GRIK2: variants seen among roughly 807,000 people sequenced by gnomAD.
GRIK2 encodes glutamate ionotropic receptor kainate type subunit 2.
A neutral mutation model predicts 100.3 loss-of-function variants in GRIK2; 32 were observed. The ratio of observed to expected loss-of-function variants is 0.32; its 90% CI spans 0.24 to 0.43. The LOEUF is 0.43. Ranked by LOEUF, GRIK2 falls within the 20% of genes least tolerant of loss-of-function variation. The pLI is 1.00. For synonymous variants in GRIK2, 417 were observed against 389.4 expected (o/e 1.07, Z -0.83); for missense variants, 843 against 1,114.9 (o/e 0.76, Z 3.47).
At chr6:101,935,294 T>A (rs1262813197) in intron 14 of GRIK2, among the ~76,000 whole-genome samples, 1 of 151,932 alleles carries the variant, frequency 6.6e-6, no homozygotes, top group Non-Finnish European at 1.5e-5. Flanking sequence ...GCCACATAGC[T>A]TTTTCTCATG....
chr6:102,058,147 T>C (rs1470121298), intron 16 of GRIK2, among the ~76,000 whole-genome samples: 1 of 151,830 alleles, frequency 6.6e-6, no homozygotes, highest in Non-Finnish European at 1.5e-5. Flanking sequence ...AGTCTAGATA[T>C]CTTCACGCTG....
chr6:101,623,908 TATAAC>T (rs1780303394), intron 3 of GRIK2, among the ~76,000 whole-genome samples: 1 of 152,082 alleles, frequency 6.6e-6, no homozygotes, highest in Non-Finnish European at 1.5e-5. Flanking sequence ...AAAAACATAA[TATAAC>T]AGAGCCAATA....
At chr6:101,673,757 A>G (rs1770610636) in intron 4 of GRIK2, among the ~76,000 whole-genome samples, 1 of 152,170 alleles carries the variant, frequency 6.6e-6, no homozygotes, top group African/African-American at 2.4e-5. Flanking sequence ...CCAAAATATT[A>G]TTTGCCAGTC....
chr6:101,500,143 G>C (rs1047045558), intron 2 of GRIK2, among the ~76,000 whole-genome samples: 1 of 152,042 alleles, frequency 6.6e-6, no homozygotes, highest in Non-Finnish European at 1.5e-5. Context: ...CTGGATTAAA[G>C]GCCTTAAAGT....
intron 11 of GRIK2, among the ~76,000 whole-genome samples, chr6:101,875,789 C>T (rs145976216): frequency 6.6e-6 from 1 of 151,944 alleles, no homozygotes; most frequent in East Asian, 1.9e-4. Flanking sequence ...TACCCTTCTT[C>T]CAAACAATAC....
chr6:101,635,355 C>A (rs1780954207), intron 4 of GRIK2, among the ~76,000 whole-genome samples: 1 of 151,942 alleles, frequency 6.6e-6, no homozygotes, highest in Non-Finnish European at 1.5e-5. Context: ...AAAGTTAACT[C>A]AAGATGGATT....
chr6:102,065,108 CATTG>C (rs1771951279), intron 16 of GRIK2, among the ~76,000 whole-genome samples: 1 of 150,960 alleles, frequency 6.6e-6, no homozygotes, highest in Non-Finnish European at 1.5e-5. Context: ...TAATCGAGAC[CATTG>C]ATTGACTTAT....
chr6:101,443,203 G>A (rs904832275), intron 2 of GRIK2, among the ~76,000 whole-genome samples: 1 of 152,062 alleles, frequency 6.6e-6, no homozygotes, highest in Non-Finnish European at 1.5e-5. Context: ...AACAAGGGGA[G>A]CTAATAAACA....
Position 101,516,576 on chromosome 6 carries a change from C to T in GRIK2, c.116-105373C>T, listed in dbSNP as rs558337788. On this transcript the variant is annotated intron_variant, in intron 2 of 16. Transcript: ENST00000369134. ...CTGGATCCTCATCTCTCACCTTATA[C>T]AAAAATCAACTCAAAATATGGATTA... 6.8e-4 allele frequency among the ~76,000 whole-genome samples: 103 copies of T among 152,154 alleles called. No individual in the cohort carries two copies. In the South Asian group the frequency reaches 0.02, roughly 30 times the overall value.
intron 7 of GRIK2, among the ~76,000 whole-genome samples, chr6:101,707,594 GTATATATGTGTGTATATA>G (rs1773417265): frequency 9.4e-6 from 1 of 106,140 alleles, no homozygotes; most frequent in Non-Finnish European, 1.9e-5. Flanking sequence ...GTGTGTGTGT[GTATATATGTGTGTATATA>G]TATATATATA....
intron 2 of GRIK2, among the ~76,000 whole-genome samples, chr6:101,404,574 G>C (rs766283954): frequency 2.0e-5 from 3 of 152,160 alleles, no homozygotes; most frequent in African/African-American, 7.2e-5. Context: ...CATCAGATTA[G>C]AAACTAGTTT....
intron 11 of GRIK2, among the ~76,000 whole-genome samples, chr6:101,884,530 T>C (rs750677738): frequency 2.0e-5 from 3 of 152,162 alleles, no homozygotes; most frequent in Non-Finnish European, 4.4e-5. Flanking sequence ...GAAGATATGC[T>C]TTGTTATCTA....
At chr6:101,885,694 A>G (rs1240667771) in intron 11 of GRIK2, among the ~76,000 whole-genome samples, 1 of 152,154 alleles carries the variant, frequency 6.6e-6, no homozygotes, top group Admixed American at 6.5e-5. Context: ...TTTTAACACA[A>G]TATATCTACT....
At chr6:101,789,200 G>C (rs867839205) in intron 7 of GRIK2, among the ~76,000 whole-genome samples, 62 of 152,110 alleles carry the variant, frequency 4.1e-4, no homozygotes, top group Middle Eastern at 6.8e-3. Flanking sequence ...TGCAGAAGCT[G>C]TTTAGTTTAA....
At chr6:101,534,925 T>C (rs1036018150) in intron 2 of GRIK2, among the ~76,000 whole-genome samples, 1 of 151,742 alleles carries the variant, frequency 6.6e-6, no homozygotes, top group East Asian at 1.9e-4. Context: ...AGCAAAGCCA[T>C]TTGCCATTTG....
chr6:101,879,501 G>A lies in GRIK2; in HGVS notation c.1525-10139G>A, dbSNP rs531527987. ...TTTATTTGAATTCAGTGTCCTTACG[G>A]AAGACTCATCCATTACCCTGGACTC... On this transcript the variant is annotated intron_variant, in intron 11 of 16. Coordinates refer to ENST00000369134, the MANE Select transcript of GRIK2 (RefSeq NM_021956.5). 5.9e-5 allele frequency among the ~76,000 whole-genome samples: 9 copies of A among 151,976 alleles called. No individual in the cohort carries two copies. In the East Asian group the frequency reaches 1.8e-3, roughly 30 times the overall value.
rs1771823349 is a variant in GRIK2, at chr6:102,062,852, T to C, written c.2563-5495T>C. 2.0e-5 allele frequency among the ~76,000 whole-genome samples: 3 copies of C among 150,626 alleles called. No homozygotes were observed. The Admixed American group carries it at 2.0e-4, about 10-fold the overall frequency. On this transcript the variant is annotated intron_variant, in intron 16 of 16. Coordinates refer to ENST00000369134, the MANE Select transcript of GRIK2 (RefSeq NM_021956.5). ...TTATTTTTGTTATTTAACACACCAA[T>C]ATTATGTAAAATATTATATCTTATA...
rs1215692599 is a variant in GRIK2 at position 101,980,956 on chromosome 6, C to T, written c.2085+52324C>T. Among the ~76,000 whole-genome samples the T allele has an allele frequency of 2.2e-5, 3 of 135,352 alleles. No homozygotes were observed. The Admixed American group carries it at 2.2e-4, about 10-fold the overall frequency. The allele number at this position is 135,352 out of a possible 152,430, so 88.8% of individuals were successfully genotyped here. A position where few individuals can be genotyped will look rare whatever the true frequency, so the allele number is the denominator to read the frequency against. On this transcript the variant is annotated intron_variant, in intron 14 of 16. Transcript: ENST00000369134. Reference sequence around the variant, plus strand: ...GTTTCTGATCAGTCAACTATCTTTTCCTTTTTGTTTTCTTGGATCCCTACT... The same window carrying T: ...GTTTCTGATCAGTCAACTATCTTTTTCTTTTTGTTTTCTTGGATCCCTACT...
intron 7 of GRIK2, among the ~76,000 whole-genome samples, chr6:101,694,896 A>T (rs1021298903): frequency 4.6e-5 from 7 of 151,452 alleles, no homozygotes; most frequent in Non-Finnish European, 1.0e-4. Flanking sequence ...CCATATAAAA[A>T]AATACCTTGG....
Sources: gnomAD v4.1 joint callset for allele counts (sites outside exome capture counted in the v4.1 genomes callset) on GRCh38, gnomAD v4.1.1 for gene constraint, MANE v1.5 for transcripts, NCBI Gene and HGNC (gene_info 2026-07-23, HGNC 2026-07-21) for gene names.